Variants in LHCGR observed in about 807,000 individuals in gnomAD.
The protein encoded by LHCGR is luteinizing hormone/choriogonadotropin receptor, also known as lutropin-choriogonadotropic hormone receptor.
A neutral mutation model predicts 60.7 loss-of-function variants in LHCGR; 55 were observed. That is an observed-to-expected ratio of 0.91 (90% CI 0.73 to 1.13). The LOEUF (loss-of-function observed/expected upper bound fraction) is 1.13, where lower values mean the gene tolerates loss of function less well. LHCGR is among the 50% of genes most tolerant of loss of function. LHCGR has a pLI of 0.00. For synonymous variants in LHCGR, 337 were observed against 316.5 expected (o/e 1.06, Z -0.69); for missense variants, 862 against 836.0 (o/e 1.03, Z -0.38).
chr2:48,711,895 T>C (rs1174050255), intron 7 of LHCGR, among the ~76,000 whole-genome samples: 2 of 152,126 alleles, frequency 1.3e-5, no homozygotes, highest in African/African-American at 4.8e-5. Context: ...CATCTCATAC[T>C]TCCATCTCAG....
chr2:48,700,491 C>T (rs977665102), intron 8 of LHCGR, among the ~76,000 whole-genome samples: 2 of 152,050 alleles, frequency 1.3e-5, no homozygotes, highest in African/African-American at 2.4e-5. Context: ...TGCCCACAGT[C>T]ACTTCTAAGG....
intron 6 of LHCGR, among the ~76,000 whole-genome samples, chr2:48,714,801 G>C (rs923705549): frequency 6.6e-6 from 1 of 151,866 alleles, no homozygotes; most frequent in Non-Finnish European, 1.5e-5. Flanking sequence ...AGACATAAGA[G>C]GATCCTTAGA....
intron 1 of LHCGR, among the ~76,000 whole-genome samples, chr2:48,752,496 C>G (rs1669999523): frequency 6.6e-6 from 1 of 151,386 alleles, no homozygotes; most frequent in Non-Finnish European, 1.5e-5. Flanking sequence ...ACATCCTCTC[C>G]TCCTGGAAGA....
intron 2 of LHCGR, 46 bp from the exon 3 acceptor site, chr2:48,729,273 A>C: frequency 7.1e-7 from 1 of 1,415,282 alleles, no homozygotes. Context: ...CATGAAAGAA[A>C]TGACCGTGTC....
chr2:48,744,378 C>T (rs1669604661), intron 1 of LHCGR, among the ~76,000 whole-genome samples: 1 of 28,024 alleles, frequency 3.6e-5, no homozygotes. Context: ...AAAGAGCCTG[C>T]ATCGCCAAGT....
intron 6 of LHCGR, among the ~76,000 whole-genome samples, chr2:48,715,667 A>G (rs1668214700): frequency 6.6e-6 from 1 of 152,188 alleles, no homozygotes; most frequent in African/African-American, 2.4e-5. Context: ...TGTGTGTAAC[A>G]TCAACAGCAT....
intron 1 of LHCGR, among the ~76,000 whole-genome samples, chr2:48,742,346 T>C (rs1245955075): frequency 6.6e-6 from 1 of 151,852 alleles, no homozygotes; most frequent in Non-Finnish European, 1.5e-5. Context: ...GCGGACCTAA[T>C]AGACATCTAC....
intron 1 of LHCGR, among the ~76,000 whole-genome samples, chr2:48,752,639 T>G (rs568656211): frequency 6.6e-6 from 1 of 152,162 alleles, no homozygotes; most frequent in Non-Finnish European, 1.5e-5. Context: ...GATTTCAGTA[T>G]GAACCTGTCC....
intron 8 of LHCGR, among the ~76,000 whole-genome samples, chr2:48,706,827 G>C (rs1452544597): frequency 6.6e-6 from 1 of 152,074 alleles, no homozygotes; most frequent in Non-Finnish European, 1.5e-5. Context: ...CCTTGTGATG[G>C]GTTAGAACAT....
In LHCGR at chr2:48,725,678, G is replaced by A. The variant is rs1193062152; in HGVS notation, c.381C>T (p.Tyr127=). Residue 127 remains tyrosine (Y), a splice_region_variant and synonymous_variant, in exon 4 of 11, where the codon TAC becomes TAT. Transcript: ENST00000294954. ...GCTTAAAAAGGAAAATTTCTCACAA[G>A]TATTTTAATCGGGGAAGATTTATAA... The part of the protein sequence containing the change: ...GAFINLPRLK[Y]LSICNTGIRK... 6.2e-7 allele frequency: 1 copy of A among 1,610,226 alleles called. No homozygotes were observed. The highest frequency in any genetic ancestry group is 1.1e-5 in the South Asian group (1 of 91,004).
intron 1 of LHCGR, among the ~76,000 whole-genome samples, chr2:48,752,026 G>A (rs1226168493): frequency 2.0e-5 from 3 of 152,042 alleles, no homozygotes; most frequent in South Asian, 2.1e-4. Flanking sequence ...CCTCTTTCCA[G>A]TTGCCTAGAA....
intron 3 of LHCGR, among the ~76,000 whole-genome samples, chr2:48,727,562 A>G (rs1668790845): frequency 6.6e-6 from 1 of 152,202 alleles, no homozygotes; most frequent in Non-Finnish European, 1.5e-5. Context: ...GTGGTTCTCA[A>G]TATAAGCTGT....
rs571848982 is a variant in LHCGR, at chr2:48,740,462, G to A, written c.162-9164C>T. The stretch of plus-strand genomic sequence containing the variant: ...TCCCTGTCTGACAGCTTTGAAGAGA[G>A]CAGTGGTTCTCACAGCACGCAGCTG... On this transcript the variant is annotated intron_variant, in intron 1 of 10. Transcript: ENST00000294954. 6.3e-3 allele frequency among the ~76,000 whole-genome samples: 966 copies of A among 152,304 alleles called. 8 individuals carry two copies. The highest frequency in any genetic ancestry group is 0.021 in the South Asian group (99 of 4,824).
chr2:48,695,826 C>A (rs1667091844), intron 9 of LHCGR, among the ~76,000 whole-genome samples: 1 of 152,112 alleles, frequency 6.6e-6, no homozygotes, highest in Non-Finnish European at 1.5e-5. Flanking sequence ...AAAGAGGGAG[C>A]TAAACACTGG....
intron 6 of LHCGR, among the ~76,000 whole-genome samples, 196 bp downstream of exon 6, chr2:48,723,260 G>A (rs1470119829): frequency 6.6e-6 from 1 of 152,174 alleles, no homozygotes; most frequent in Non-Finnish European, 1.5e-5. Context: ...AACTGAATTG[G>A]TTGGTTGGTT....
At chr2:48,715,898 C>T (rs1668225575) in intron 6 of LHCGR, among the ~76,000 whole-genome samples, 1 of 152,144 alleles carries the variant, frequency 6.6e-6, no homozygotes, top group African/African-American at 2.4e-5. Context: ...ATTTCTTAAA[C>T]TCCTGGGGCC....
chr2:48,714,168 A>G (rs930976751), intron 6 of LHCGR, 114 bp from the exon 7 acceptor site: 5 of 741,932 alleles, frequency 6.7e-6, no homozygotes, highest in Non-Finnish European at 1.2e-5. Flanking sequence ...CATTCATAAT[A>G]TCTAGTTCTC....
chr2:48,738,831 C>G (rs943892882), intron 1 of LHCGR, among the ~76,000 whole-genome samples: 14 of 152,160 alleles, frequency 9.2e-5, no homozygotes, highest in African/African-American at 3.4e-4. Flanking sequence ...TTTATACATA[C>G]TAGACTAAAT....
At chr2:48,737,743 T>C (rs1433302200) in intron 1 of LHCGR, among the ~76,000 whole-genome samples, 1 of 152,188 alleles carries the variant, frequency 6.6e-6, no homozygotes, top group African/African-American at 2.4e-5. Context: ...CCAGAAAACT[T>C]TGGAACAGTC....
Sources: gnomAD v4.1 joint callset for allele counts (sites outside exome capture counted in the v4.1 genomes callset) on GRCh38, gnomAD v4.1.1 for gene constraint, MANE v1.5 for transcripts, NCBI Gene and HGNC (gene_info 2026-07-23, HGNC 2026-07-21) for gene names.